Variants in ITGA4 observed in about 807,000 individuals in gnomAD.
ITGA4 encodes the protein integrin subunit alpha 4, also known as integrin alpha-4.
ITGA4 carries 63 observed loss-of-function variants against 133.6 expected under a neutral mutation model. The ratio of observed to expected loss-of-function variants is 0.47; its 90% CI spans 0.38 to 0.58. The LOEUF (loss-of-function observed/expected upper bound fraction) is 0.58, where lower values mean the gene tolerates loss of function less well. ITGA4 is among the 20% of genes least tolerant of loss of function. The pLI is 0.00. For synonymous variants in ITGA4, 483 were observed against 438.0 expected, an observed-to-expected ratio of 1.10 and a Z score of -1.28; for missense variants, 1,076 against 1,252.7, an observed-to-expected ratio of 0.86 and a Z score of 2.13.
rs184574261 is a variant in ITGA4, at chr2:181,481,153, C to G, written c.755-445C>G. The stretch of plus-strand genomic sequence containing the variant: ...CGTTCAAGAAATATAACTTGTTACG[C>G]CTTTTATCACATAAAATACGAACAA... On this transcript the variant is annotated intron_variant, in intron 6 of 27. Transcript: ENST00000397033. 1.8e-3 allele frequency among the ~76,000 whole-genome samples: 268 copies of G among 152,216 alleles called. 2 individuals carry two copies. Among genetic ancestry groups the G allele is most frequent in the African/African-American group, 6.1e-3 (252 of 41,546 alleles).
At chr2:181,504,853 G>A (rs1477596478) in intron 15 of ITGA4, among the ~76,000 whole-genome samples, 1 of 151,798 alleles carries the variant, frequency 6.6e-6, no homozygotes, top group Non-Finnish European at 1.5e-5. Context: ...TAGGGGTGCT[G>A]TCTTTTCTCA....
At chr2:181,482,722 G>C (rs912339731) in intron 9 of ITGA4, 71 bp downstream of exon 9, 7 of 1,389,272 alleles carry the variant, frequency 5.0e-6, no homozygotes, top group Admixed American at 3.5e-5. Flanking sequence ...TCTTATTCCA[G>C]AGATCTGAGA....
In ITGA4 at chr2:181,482,428, AT is replaced by A. The variant is rs773285634; in HGVS notation, c.903+7del. On this transcript the variant is annotated splice_region_variant and intron_variant, in intron 8 of 27. Transcript: ENST00000397033. Reference sequence around the variant, plus strand: ...ATGAAATGAAAGGTAAAAAGGTAATATGTCTCTACCTTTAGTATCTCTGTGG... The same window carrying A: ...ATGAAATGAAAGGTAAAAAGGTAATAGTCTCTACCTTTAGTATCTCTGTGG... 1.2e-5 allele frequency: 19 copies of A among 1,613,276 alleles called. No individual in the cohort carries two copies. In the Admixed American group the frequency reaches 3.2e-4, roughly 27 times the overall value.
At chr2:181,469,498 A>T (rs1685495817) in intron 2 of ITGA4, among the ~76,000 whole-genome samples, 1 of 151,882 alleles carries the variant, frequency 6.6e-6, no homozygotes, top group Non-Finnish European at 1.5e-5. Context: ...ATTGTGGAAG[A>T]CAGTGTGGCG....
At chr2:181,476,597 T>A (rs1685682389) in intron 4 of ITGA4, among the ~76,000 whole-genome samples, 1 of 152,202 alleles carries the variant, frequency 6.6e-6, no homozygotes, top group Non-Finnish European at 1.5e-5. Flanking sequence ...GACTTTGTAA[T>A]AATAGACCTT....
rs1488347674 is a variant in ITGA4 at position 181,468,552 on chromosome 2, A to G, written c.320-6408A>G. Among the ~76,000 whole-genome samples, 7 of 152,264 alleles carry G rather than the reference A, an allele frequency of 4.6e-5. No homozygotes were observed. In the South Asian group the frequency reaches 6.2e-4, roughly 14 times the overall value. ...AGGTGACATACAAGGTCAAATATCT[A>G]ATCTCCCATAGTCCCTGTCACACTT... On this transcript the variant is annotated intron_variant, in intron 2 of 27. Coordinates refer to ENST00000397033, the MANE Select transcript of ITGA4 (RefSeq NM_000885.6).
intron 2 of ITGA4, among the ~76,000 whole-genome samples, chr2:181,473,864 AT>A (rs1685612402): frequency 6.6e-6 from 1 of 152,168 alleles, no homozygotes; most frequent in South Asian, 2.1e-4. Flanking sequence ...AGGAAGCTAC[AT>A]TTAGGGGTCA....
chr2:181,507,615 T>TTA (rs1686420581), intron 15 of ITGA4, among the ~76,000 whole-genome samples: 1 of 152,118 alleles, frequency 6.6e-6, no homozygotes, highest in Non-Finnish European at 1.5e-5. Context: ...CTCAAGTCCC[T>TTA]TATATAAAAT....
chr2:181,495,241 A>T lies in ITGA4; in HGVS notation c.1340-130A>T. ...GGAAAGAATCGTAAGATGTTAGCATATATTCTCTAATTTTCTATAAATAGT... is the reference window on the plus strand; with the variant it reads ...GGAAAGAATCGTAAGATGTTAGCATTTATTCTCTAATTTTCTATAAATAGT... On this transcript the variant is annotated intron_variant, in intron 12 of 27. Transcript: ENST00000397033. The surrounding 1 kb of genome is among the most constrained non-coding windows in gnomAD (Gnocchi z 4.3). 1 of 684,254 alleles carries T rather than the reference A, an allele frequency of 1.5e-6. No homozygotes were observed. The highest frequency in any genetic ancestry group is 2.6e-6 in the Non-Finnish European group (1 of 381,624). 42.4% of individuals were successfully genotyped at this position (684,254 alleles called of 1,614,324 possible). A position where few individuals can be genotyped will look rare whatever the true frequency, so the allele number is the denominator to read the frequency against.
chr2:181,505,852 G>A (rs751716036), intron 15 of ITGA4, among the ~76,000 whole-genome samples: 1 of 152,052 alleles, frequency 6.6e-6, no homozygotes, highest in Non-Finnish European at 1.5e-5. Context: ...TAAAACAGTG[G>A]ACATGTGGAG....
intron 9 of ITGA4, among the ~76,000 whole-genome samples, chr2:181,484,820 A>G (rs79529398): frequency 6.6e-6 from 1 of 152,204 alleles, no homozygotes; most frequent in African/African-American, 2.4e-5. Context: ...GCTTTTACAG[A>G]GGAAGTAGTG....
chr2:181,537,683 A>C lies in ITGA4; in HGVS notation c.*2156A>C. On this transcript the variant is annotated 3_prime_UTR_variant, in exon 28 of 28. Transcript: ENST00000397033. Reference sequence around the variant, plus strand: ...ATTATTTCAGAATTATCTAGGTTAAATATTGATGTATTATGATGGTTGCAA... The same window carrying C: ...ATTATTTCAGAATTATCTAGGTTAACTATTGATGTATTATGATGGTTGCAA... The C allele has an allele frequency of 2.3e-6, 1 of 432,876 alleles. No individual in the cohort carries two copies. Among genetic ancestry groups the C allele is most frequent in the Non-Finnish European group, 4.6e-6 (1 of 218,850 alleles). The allele number at this position is 432,876 out of a possible 1,614,324, so 26.8% of individuals were successfully genotyped here.
At chr2:181,475,644 T>C (rs1327144731) in intron 4 of ITGA4, among the ~76,000 whole-genome samples, 1 of 152,234 alleles carries the variant, frequency 6.6e-6, no homozygotes, top group Non-Finnish European at 1.5e-5. Context: ...AGAAAGACTT[T>C]AGGTTTCCTT....
At chr2:181,486,935 T>A (rs1263782724) in intron 10 of ITGA4, among the ~76,000 whole-genome samples, 1 of 152,202 alleles carries the variant, frequency 6.6e-6, no homozygotes, top group East Asian at 1.9e-4. Flanking sequence ...AATTCTCATC[T>A]CCTTAATGTC....
chr2:181,474,930 A>C (rs1256845711), intron 2 of ITGA4, 30 bp from the exon 3 acceptor site: 2 of 1,545,026 alleles, frequency 1.3e-6, no homozygotes, highest in Non-Finnish European at 1.8e-6. Context: ...TTTTCAATAC[A>C]ACTGATAAAA....
At chr2:181,531,858 T>C in intron 25 of ITGA4, 82 bp downstream of exon 25, 1 of 924,680 alleles carries the variant, frequency 1.1e-6, no homozygotes, top group Non-Finnish European at 1.6e-6. Flanking sequence ...CAGGATAGTA[T>C]GAAGGCATTC....
At chr2:181,479,659 TTTTTCCCTAAGCTAACATTATTAGAAATG>T (rs1261450325) in intron 5 of ITGA4, 1 of 152,138 alleles carries the variant, frequency 6.6e-6, no homozygotes, top group Non-Finnish European at 1.5e-5. Context: ...CCATTGGACT[TTTTTCCCTAAGCTAACATTATTAGAAATG>T]TTTTCCCTAA....
intron 2 of ITGA4, among the ~76,000 whole-genome samples, chr2:181,464,021 G>A (rs1685352850): frequency 6.6e-6 from 1 of 152,040 alleles, no homozygotes; most frequent in South Asian, 2.1e-4. Flanking sequence ...GGCACCAGTA[G>A]TTTCCAGAGG....
Position 181,536,793 on chromosome 2 carries a change from T to C in ITGA4, c.*1266T>C, listed in dbSNP as rs201397970. ...AATCATTTTTGTAATATTTATTTTATGCTTATGATCTAGATAATTGCAGAA... is the reference window on the plus strand; with the variant it reads ...AATCATTTTTGTAATATTTATTTTACGCTTATGATCTAGATAATTGCAGAA... On this transcript the variant is annotated 3_prime_UTR_variant, in exon 28 of 28. Transcript: ENST00000397033. 1.2e-4 allele frequency: 31 copies of C among 256,148 alleles called. No individual in the cohort carries two copies. Among genetic ancestry groups the C allele is most frequent in the Admixed American group, 5.0e-4 (10 of 20,188 alleles). 15.9% of individuals were successfully genotyped at this position (256,148 alleles called of 1,614,324 possible).
Sources: gnomAD v4.1 joint callset for allele counts (sites outside exome capture counted in the v4.1 genomes callset) on GRCh38, gnomAD v4.1.1 for gene constraint, Gnocchi (gnomAD v3.1) non-coding constraint, MANE v1.5 for transcripts, NCBI Gene and HGNC (gene_info 2026-07-23, HGNC 2026-07-21) for gene names.